ZNRF1: variants seen among roughly 807,000 people sequenced by gnomAD.
The protein encoded by ZNRF1 is E3 ubiquitin-protein ligase ZNRF1.
ZNRF1 carries 3 observed loss-of-function variants against 18.4 expected under a neutral mutation model. The observed-to-expected ratio is 0.16, with a 90% confidence interval of 0.07 to 0.42. ZNRF1 has a LOEUF of 0.42. ZNRF1 is among the 10% of genes least tolerant of loss of function. The pLI is 0.99. For synonymous variants in ZNRF1, 157 were observed against 144.2 expected, an observed-to-expected ratio of 1.09 and a Z score of -0.64; for missense variants, 310 against 329.8, an observed-to-expected ratio of 0.94 and a Z score of 0.47.
intron 1 of ZNRF1, among the ~76,000 whole-genome samples, chr16:75,072,901 A>T (rs559860313): frequency 1.9e-4 from 29 of 152,294 alleles, no homozygotes; most frequent in Admixed American, 1.6e-3. Flanking sequence ...TTCCCCTCTG[A>T]GATGCAGATA....
Position 74,999,586 on chromosome 16 carries a change from A to C in ZNRF1, c.-86A>C. On this transcript the variant is annotated 5_prime_UTR_variant, in exon 1 of 5. The change abolishes an upstream ATG in the 5' untranslated region. Transcript: ENST00000335325. The stretch of plus-strand genomic sequence containing the variant: ...CTCCTTTTTGACTCCCTCCCCCTTT[A>C]TGCTCGCCCAGCCCTCCCCCTGCTG... 9.7e-7 allele frequency: 1 copy of C among 1,027,470 alleles called. No individual in the cohort carries two copies. The highest frequency in any genetic ancestry group is 1.3e-6 in the Non-Finnish European group (1 of 791,474). 63.6% of individuals were successfully genotyped at this position (1,027,470 alleles called of 1,614,324 possible).
chr16:75,096,662 G>C (rs1005980396), intron 2 of ZNRF1, among the ~76,000 whole-genome samples: 1 of 152,134 alleles, frequency 6.6e-6, no homozygotes, highest in Non-Finnish European at 1.5e-5. Context: ...ACTTTCTGTG[G>C]TTGTTGGCAC....
At chr16:75,035,828 C>G (rs1380740823) in intron 1 of ZNRF1, among the ~76,000 whole-genome samples, 3 of 152,168 alleles carry the variant, frequency 2.0e-5, no homozygotes, top group Non-Finnish European at 4.4e-5. Context: ...TTGAGGCATT[C>G]CTTTACCAGC....
chr16:75,029,324 A>AT (rs1312089975), intron 1 of ZNRF1, among the ~76,000 whole-genome samples: 3 of 151,444 alleles, frequency 2.0e-5, no homozygotes, highest in African/African-American at 4.9e-5. Context: ...TTTTTTTTGT[A>AT]TTTTTAGTAG....
At chr16:75,000,941 G>A (rs1402122121) in intron 1 of ZNRF1, among the ~76,000 whole-genome samples, 1 of 152,216 alleles carries the variant, frequency 6.6e-6, no homozygotes, top group Admixed American at 6.5e-5. Context: ...TTCATTTTAT[G>A]AACTTCTGGT....
chr16:75,075,768 A>G (rs905025652), intron 1 of ZNRF1, among the ~76,000 whole-genome samples: 1 of 152,204 alleles, frequency 6.6e-6, no homozygotes, highest in Non-Finnish European at 1.5e-5. Flanking sequence ...CCTTTCTCAC[A>G]TGGCTGCTGA....
At chr16:75,094,030 C>T (rs1417440478) in intron 2 of ZNRF1, among the ~76,000 whole-genome samples, 1 of 152,208 alleles carries the variant, frequency 6.6e-6, no homozygotes, top group African/African-American at 2.4e-5. Flanking sequence ...AGGTGTCCTC[C>T]ACGGCTTAGC....
rs779949144 is a variant in ZNRF1 at position 74,999,888 on chromosome 16, A to T, written c.217A>T (p.Thr73Ser). Reference sequence around the variant, plus strand: ...CGGGGGGGTGCCCTTTGGCCTCTACACCCCCGCCTCCCGGGGCACCGGCGA... The same window carrying T: ...CGGGGGGGTGCCCTTTGGCCTCTACTCCCCCGCCTCCCGGGGCACCGGCGA... The part of the protein sequence containing the change: ...TAGGVPFGLY[T>S]PASRGTGDSE... Residue 73 changes from threonine to serine, a missense_variant, in exon 1 of 5, where the codon ACC (threonine) becomes TCC (serine). Thr to Ser is a moderately conservative substitution (Grantham distance 58, BLOSUM62 1). Transcript: ENST00000335325. The T allele has an allele frequency of 5.2e-6, 8 of 1,536,786 alleles. No individual in the cohort carries two copies. The South Asian group carries it at 9.6e-5, about 18-fold the overall frequency.
chr16:75,044,258 C>T (rs748678623), intron 1 of ZNRF1, among the ~76,000 whole-genome samples: 13 of 152,030 alleles, frequency 8.6e-5, no homozygotes, highest in Non-Finnish European at 1.0e-4. Flanking sequence ...GAGACGGAGT[C>T]TCTCTCTGTT....
At chr16:75,054,963 A>G (rs1261166053) in intron 1 of ZNRF1, among the ~76,000 whole-genome samples, 2 of 152,202 alleles carry the variant, frequency 1.3e-5, no homozygotes. Context: ...TTAGAGCAGA[A>G]ATTAAAGGAG....
At chr16:75,095,596 A>G (rs1262613303) in intron 2 of ZNRF1, 1 of 1,543,876 alleles carries the variant, frequency 6.5e-7, no homozygotes, top group South Asian at 1.2e-5. Flanking sequence ...CGTTTGTTGT[A>G]GGAAGAATAC....
chr16:75,046,564 A>G (rs558989774), intron 1 of ZNRF1, among the ~76,000 whole-genome samples: 1 of 151,350 alleles, frequency 6.6e-6, no homozygotes, highest in Non-Finnish European at 1.5e-5. Flanking sequence ...TTCTTCTATT[A>G]TTATTTTTTA....
intron 1 of ZNRF1, among the ~76,000 whole-genome samples, chr16:75,088,846 A>G (rs1378834107): frequency 6.6e-6 from 1 of 152,238 alleles, no homozygotes; most frequent in Admixed American, 6.5e-5. Flanking sequence ...TTATTATCAT[A>G]TGCAAGAGTA....
chr16:75,031,128 G>A (rs578135744), intron 1 of ZNRF1, among the ~76,000 whole-genome samples: 36 of 143,176 alleles, frequency 2.5e-4, no homozygotes, highest in African/African-American at 7.6e-4. Flanking sequence ...GAGCCACTGC[G>A]CCCCACCTGT....
rs182144346 is a variant in ZNRF1, at chr16:75,067,459, C to T, written c.425-26113C>T. ...AAATACAGTCTGCTACAAGTAAAAC[C>T]CGTTCAGAATTCTAATTGGATTTTT... On this transcript the variant is annotated intron_variant, in intron 1 of 4. Transcript: ENST00000335325. Among the ~76,000 whole-genome samples, 445 of 152,160 alleles carry T rather than the reference C, an allele frequency of 2.9e-3. 1 individual carries two copies. The highest frequency in any genetic ancestry group is 5.1e-3 in the Non-Finnish European group (348 of 68,010).
rs796834732 is a variant in ZNRF1 at position 75,050,899 on chromosome 16, CAA to C, written c.425-42668_425-42667del. Among the ~76,000 whole-genome samples the C allele has an allele frequency of 2.7e-3, 113 of 41,102 alleles. 5 individuals carry two copies. Among genetic ancestry groups the C allele is most frequent in the Non-Finnish European group, 4.3e-3 (83 of 19,352 alleles). The allele number at this position is 41,102 out of a possible 152,430, so 27.0% of individuals were successfully genotyped here. On this transcript the variant is annotated intron_variant, in intron 1 of 4. Coordinates refer to ENST00000335325, the MANE Select transcript of ZNRF1 (RefSeq NM_032268.5). Reference sequence around the variant, plus strand: ...AAAAAAAAAAAAAAACAAAAAAAAACAAAAAACTTGTAGCCAGGTACAGTGGC... The same window carrying C: ...AAAAAAAAAAAAAAACAAAAAAAAACAAAACTTGTAGCCAGGTACAGTGGC...
chr16:75,059,110 G>A, intron 1 of ZNRF1, among the ~76,000 whole-genome samples: 1 of 152,178 alleles, frequency 6.6e-6, no homozygotes, highest in Non-Finnish European at 1.5e-5. Context: ...ACTGTTTTGA[G>A]AGTAGGTGTC....
Position 75,041,363 on chromosome 16 carries a change from C to T in ZNRF1, c.424+41268C>T, listed in dbSNP as rs187882666. 7.3e-3 allele frequency among the ~76,000 whole-genome samples: 1,115 copies of T among 151,804 alleles called. 9 individuals carry two copies. The highest frequency in any genetic ancestry group is 0.012 in the Non-Finnish European group (823 of 67,914). ...ATTTATTTTTGAGACAGGGTCTCAC[C>T]CTGTCGCCCAGGCTAGAGTGCAACG... On this transcript the variant is annotated intron_variant, in intron 1 of 4. Coordinates refer to ENST00000335325, the MANE Select transcript of ZNRF1 (RefSeq NM_032268.5).
chr16:75,034,372 A>G (rs2035349997), intron 1 of ZNRF1, among the ~76,000 whole-genome samples: 2 of 152,188 alleles, frequency 1.3e-5, no homozygotes, highest in Non-Finnish European at 2.9e-5. Context: ...TAACTCATAT[A>G]AGCAAAATTG....
Sources: allele counts gnomAD v4.1 joint callset (sites outside exome capture counted in the v4.1 genomes callset), GRCh38; gene constraint gnomAD v4.1.1; transcripts MANE v1.5; gene names NCBI Gene and HGNC (gene_info 2026-07-23, HGNC 2026-07-21).